FAM47E: variants seen among roughly 807,000 people sequenced by gnomAD.
The protein encoded by FAM47E is family with sequence similarity 47 member E.
FAM47E carries 32 observed loss-of-function variants against 41.6 expected under a neutral mutation model. The observed-to-expected ratio is 0.77, with a 90% CI of 0.58 to 1.03. The LOEUF (loss-of-function observed/expected upper bound fraction) is 1.03. Among genes scored for constraint, FAM47E ranks in the 50% least tolerant of loss-of-function variants. The probability of loss-of-function intolerance (pLI) is 0.00; values close to 1 mark genes in which losing one functional copy is unlikely to be tolerated. For missense variants in FAM47E, 424 were observed against 485.4 expected (o/e 0.87, Z 1.19); for synonymous variants, 184 against 188.7 (o/e 0.98, Z 0.20).
At chr4:76,269,657 A>G (rs1734802633) in intron 4 of FAM47E, 1 of 152,022 alleles carries the variant, frequency 6.6e-6, no homozygotes, top group Admixed American at 6.6e-5. Context: ...TTAGCTGGGC[A>G]TGATGGTGTG....
intron 7 of FAM47E, 99 bp downstream of exon 7, chr4:76,280,440 T>C (rs1023057454): frequency 1.5e-6 from 1 of 653,800 alleles, no homozygotes; most frequent in South Asian, 2.1e-5. Context: ...CAAATAGTTC[T>C]CTTACAGGCA....
chr4:76,231,205 T>C (rs1309330483), intron 2 of FAM47E, among the ~76,000 whole-genome samples: 1 of 152,216 alleles, frequency 6.6e-6, no homozygotes, highest in Non-Finnish European at 1.5e-5. Flanking sequence ...TGCATGATGC[T>C]TGGCTTTTGT....
Position 76,215,588 on chromosome 4 carries a change from A to G in FAM47E, c.-30+1164A>G, listed in dbSNP as rs538635786. Among the ~76,000 whole-genome samples, 316 of 152,312 alleles carry G rather than the reference A, an allele frequency of 2.1e-3. 2 individuals carry two copies. Among genetic ancestry groups the G allele is most frequent in the Non-Finnish European group, 3.8e-3 (259 of 68,026 alleles). ...TGGGCAGGTTTTAGCAATTTGTTAAACCAATAGAATACAGTGGAAATGACC... is the reference window on the plus strand; with the variant it reads ...TGGGCAGGTTTTAGCAATTTGTTAAGCCAATAGAATACAGTGGAAATGACC... On this transcript the variant is annotated intron_variant, in intron 1 of 7. Transcript: ENST00000510197.
intron 3 of FAM47E, among the ~76,000 whole-genome samples, chr4:76,265,237 GAGCA>G (rs751443293): frequency 1.4e-4 from 21 of 152,164 alleles, no homozygotes; most frequent in Non-Finnish European, 2.5e-4. Context: ...CCTCCATGAG[GAGCA>G]AGATGGCCCA....
intron 2 of FAM47E, among the ~76,000 whole-genome samples, chr4:76,219,936 C>T (rs569836005): frequency 6.6e-6 from 1 of 152,276 alleles, no homozygotes; most frequent in Non-Finnish European, 1.5e-5. Flanking sequence ...CAGTTGTAAG[C>T]ATTTCCAGTT....
At chr4:76,262,505 G>A (rs564858062) in intron 2 of FAM47E, among the ~76,000 whole-genome samples, 4 of 152,082 alleles carry the variant, frequency 2.6e-5, no homozygotes, top group Admixed American at 6.5e-5. Context: ...TTCTAATGCT[G>A]GAGATGTACA....
intron 2 of FAM47E, among the ~76,000 whole-genome samples, chr4:76,231,194 G>A (rs1346654122): frequency 6.6e-6 from 1 of 152,206 alleles, no homozygotes; most frequent in Non-Finnish European, 1.5e-5. Flanking sequence ...TAAGATTTGG[G>A]TGCATGATGC....
chr4:76,243,330 A>G (rs1733750150), intron 2 of FAM47E, among the ~76,000 whole-genome samples: 1 of 152,204 alleles, frequency 6.6e-6, no homozygotes, highest in Non-Finnish European at 1.5e-5. Context: ...AATCAGCAAG[A>G]TTCACATAAA....
At chr4:76,261,619 A>G (rs1383543486) in intron 2 of FAM47E, among the ~76,000 whole-genome samples, 1 of 152,174 alleles carries the variant, frequency 6.6e-6, no homozygotes, top group African/African-American at 2.4e-5. Context: ...GGAGCTTAAC[A>G]ATGGGTATAC....
chr4:76,250,924 C>T (rs1274099956), upstream of FAM47E, among the ~76,000 whole-genome samples: 2 of 152,016 alleles, frequency 1.3e-5, no homozygotes, highest in African/African-American at 4.8e-5. Flanking sequence ...ATCGAATATC[C>T]CCAATAACCC....
At chr4:76,228,414 G>A (rs919755003) in intron 2 of FAM47E, among the ~76,000 whole-genome samples, 1 of 151,694 alleles carries the variant, frequency 6.6e-6, no homozygotes, top group African/African-American at 2.4e-5. Flanking sequence ...GGAAGGTGAA[G>A]GTTACAGCAA....
intron 2 of FAM47E, among the ~76,000 whole-genome samples, chr4:76,244,389 C>T (rs1733777672): frequency 1.3e-5 from 2 of 152,122 alleles, no homozygotes; most frequent in Admixed American, 6.5e-5. Flanking sequence ...TTCTCTATAT[C>T]CTCTCCAGCA....
intron 5 of FAM47E, among the ~76,000 whole-genome samples, chr4:76,276,929 G>A (rs1266066349): frequency 1.3e-5 from 2 of 152,136 alleles, no homozygotes; most frequent in East Asian, 1.9e-4. Context: ...TATCTGGCTC[G>A]ACTCTAGAAT....
Position 76,239,292 on chromosome 4 carries a change from A to C in FAM47E, c.81+21604A>C, listed in dbSNP as rs11945335. On this transcript the variant is annotated intron_variant, in intron 2 of 7. Transcript: ENST00000510197. ...TGGGTCATATGGTAATTCTACTTTTAGTTTTTAAAGAACCACCATTTTACA... is the reference window on the plus strand; with the variant it reads ...TGGGTCATATGGTAATTCTACTTTTCGTTTTTAAAGAACCACCATTTTACA... Among the ~76,000 whole-genome samples, 991 of 152,230 alleles carry C rather than the reference A, an allele frequency of 6.5e-3. 12 individuals carry two copies. Among genetic ancestry groups the C allele is most frequent in the African/African-American group, 0.023 (941 of 41,542 alleles).
At chr4:76,237,085 C>T (rs1329061612) in intron 2 of FAM47E, among the ~76,000 whole-genome samples, 3 of 151,636 alleles carry the variant, frequency 2.0e-5, no homozygotes, top group African/African-American at 7.3e-5. Flanking sequence ...TTAGTAGAGA[C>T]GAGGTTTCAC....
At chr4:76,283,228 C>T in intron 7 of FAM47E, 153 bp from the exon 8 acceptor site, 1 of 515,506 alleles carries the variant, frequency 1.9e-6, no homozygotes, top group Non-Finnish European at 3.5e-6. Flanking sequence ...CAACATCTAT[C>T]ATGGTCAGAT....
In FAM47E at chr4:76,268,681, A is replaced by G. The variant is rs1258876143; in HGVS notation, c.582A>G (p.Ser194=). The change falls in exon 4 of 8, where the codon TCA becomes TCG. Residue 194 remains serine, a synonymous_variant. Transcript: ENST00000424749. ...TTAGTTCCAAGAAGACGTCTGTGTC[A>G]AACGCAGGCCAATGGCTTTATGAAG... ...YLGPSKKTSV[S]NAGQWLYEEK... is the part of the protein sequence containing the mutation. 2 of 1,551,332 alleles carry G rather than the reference A, an allele frequency of 1.3e-6. No homozygotes were observed. The highest frequency in any genetic ancestry group is 2.4e-5 in the South Asian group (2 of 83,932).
intron 2 of FAM47E, among the ~76,000 whole-genome samples, chr4:76,243,373 TTATC>T (rs530629502): frequency 2.2e-3 from 335 of 152,354 alleles, no homozygotes; most frequent in Non-Finnish European, 3.8e-3. Context: ...ACCTCCTGCT[TTATC>T]TAGTACCTGA....
upstream of FAM47E, among the ~76,000 whole-genome samples, chr4:76,249,636 C>T (rs1178282946): frequency 6.6e-6 from 1 of 151,940 alleles, no homozygotes; most frequent in Non-Finnish European, 1.5e-5. Flanking sequence ...TTGGTGCACC[C>T]ATCACCCAAG....
Sources: allele counts gnomAD v4.1 joint callset (sites outside exome capture counted in the v4.1 genomes callset), GRCh38; gene constraint gnomAD v4.1.1; transcripts MANE v1.5; gene names NCBI Gene and HGNC (gene_info 2026-07-23, HGNC 2026-07-21).